SASH1: variants seen among roughly 807,000 people sequenced by gnomAD.
The protein encoded by SASH1 is SAM and SH3 domain-containing protein 1.
SASH1 carries 44 observed loss-of-function variants against 125.2 expected under a neutral mutation model. The observed-to-expected ratio is 0.35, with a 90% CI of 0.28 to 0.45. The LOEUF is 0.45. SASH1 is among the 20% of genes least tolerant of loss of function. SASH1 has a pLI of 1.00. For missense variants in SASH1, 1,426 were observed against 1,614.5 expected (o/e 0.88, Z 2.00); for synonymous variants, 639 against 649.1 (o/e 0.98, Z 0.24).
chr6:148,202,195 C>T, the SASH1 span, among the ~76,000 whole-genome samples: 3 of 151,972 alleles, frequency 2.0e-5, no homozygotes, highest in East Asian at 3.9e-4. Context: ...GTGAATTGTT[C>T]GCTTGTAGGT....
chr6:148,431,267 C>T (rs145501041), intron 2 of SASH1, among the ~76,000 whole-genome samples: 28,398 of 151,754 alleles, frequency 0.19, 3,004 homozygotes, highest in East Asian at 0.28. Context: ...GGCACGATCT[C>T]GGCTCACTGC....
At chr6:148,283,928 A>AT (rs11374340) in intron 1 of SASH1, among the ~76,000 whole-genome samples, 40,324 of 149,908 alleles carry the variant, frequency 0.27, 5,803 homozygotes, top group African/African-American at 0.39. Flanking sequence ...TATCTATGTA[A>AT]TTTTTTTTTT....
intron 4 of SASH1, among the ~76,000 whole-genome samples, chr6:148,446,300 G>A (rs886695875): frequency 6.6e-6 from 1 of 151,746 alleles, no homozygotes; most frequent in South Asian, 2.1e-4. Context: ...AGTAGAGACG[G>A]GGTTTCACCG....
At chr6:148,269,786 A>G (rs1182544744), upstream of SASH1, among the ~76,000 whole-genome samples, 1 of 152,210 alleles carries the variant, frequency 6.6e-6, no homozygotes, top group East Asian at 1.9e-4. Context: ...CCTCAACAGT[A>G]GTATTATACA....
At chr6:148,268,792 T>C (rs1490497724), upstream of SASH1, among the ~76,000 whole-genome samples, 3 of 152,248 alleles carry the variant, frequency 2.0e-5, no homozygotes, top group African/African-American at 2.4e-5. Flanking sequence ...ATTTCTAAGC[T>C]TTTTAAGAAG....
intron 1 of SASH1, among the ~76,000 whole-genome samples, chr6:148,322,991 TTCTCTC>T (rs1185804560): frequency 1.6e-5 from 2 of 126,598 alleles, no homozygotes; most frequent in Non-Finnish European, 3.4e-5. Flanking sequence ...CCCTTTCTCT[TTCTCTC>T]TCTCTCTCTT....
At chr6:148,205,316 C>A in the SASH1 span, among the ~76,000 whole-genome samples, 1 of 152,160 alleles carries the variant, frequency 6.6e-6, no homozygotes, top group Non-Finnish European at 1.5e-5. Flanking sequence ...CTCGGGTCAG[C>A]CTTAACTGGG....
chr6:148,394,479 T>C (rs1465041381), intron 2 of SASH1, among the ~76,000 whole-genome samples: 1 of 152,262 alleles, frequency 6.6e-6, no homozygotes, highest in Non-Finnish European at 1.5e-5. Context: ...TGTTCCCTTT[T>C]ATTGCATCAG....
chr6:148,291,484 C>G (rs1389749719), intron 1 of SASH1, among the ~76,000 whole-genome samples: 2 of 152,020 alleles, frequency 1.3e-5, no homozygotes, highest in Non-Finnish European at 2.9e-5. Flanking sequence ...AGTTCAAGAC[C>G]AGCCTGGCCA....
intron 2 of SASH1, among the ~76,000 whole-genome samples, chr6:148,424,274 C>G (rs1274907934): frequency 1.3e-5 from 2 of 151,072 alleles, no homozygotes; most frequent in African/African-American, 2.4e-5. Context: ...GGGTCTCGCT[C>G]TGTCACCCAG....
chr6:148,400,319 GCTGAGGCAGGGCC>G (rs1784122264), intron 2 of SASH1, among the ~76,000 whole-genome samples: 1 of 152,228 alleles, frequency 6.6e-6, no homozygotes, highest in Admixed American at 6.5e-5. Flanking sequence ...CTGGTAGTCA[GCTGAGGCAGGGCC>G]CTGAGCCTAT....
chr6:148,198,035 A>G, the SASH1 span, among the ~76,000 whole-genome samples: 1 of 152,120 alleles, frequency 6.6e-6, no homozygotes, highest in African/African-American at 2.4e-5. Flanking sequence ...TTTTTAGTAG[A>G]AACAGGGCTT....
At chr6:148,300,017 C>A (rs1779897316) in intron 1 of SASH1, among the ~76,000 whole-genome samples, 1 of 152,156 alleles carries the variant, frequency 6.6e-6, no homozygotes, top group Admixed American at 6.5e-5. Flanking sequence ...CAACACACTG[C>A]AGCTCCCATT....
intron 1 of SASH1, among the ~76,000 whole-genome samples, chr6:148,334,153 GC>G (rs139397114): frequency 1 from 141,877 of 141,888 alleles, 70,933 homozygotes; most frequent in South Asian, 1. Flanking sequence ...GCCGGGCGCG[GC>G]TGGCTCACGC....
chr6:148,430,168 G>A (rs1251510713), intron 2 of SASH1, among the ~76,000 whole-genome samples: 1 of 152,196 alleles, frequency 6.6e-6, no homozygotes, highest in African/African-American at 2.4e-5. Context: ...ACTCTAGGTA[G>A]CATAAGCAGA....
chr6:148,273,321 T>C (rs1279931939), intron 1 of SASH1, among the ~76,000 whole-genome samples: 6 of 141,972 alleles, frequency 4.2e-5, no homozygotes, highest in Non-Finnish European at 9.1e-5. Flanking sequence ...TGAGACAGAG[T>C]CTCCCTCTGT....
At position 148,310,422 on chromosome 6, in the gene SASH1, G is replaced by A. The variant is rs997414684; in HGVS notation, n.74+38045G>A. Among the ~76,000 whole-genome samples, 42 of 60,958 alleles carry A rather than the reference G, an allele frequency of 6.9e-4. No homozygotes were observed. In the Admixed American group the frequency reaches 7.7e-3, roughly 11 times the overall value. 40.0% of individuals were successfully genotyped at this position (60,958 alleles called of 152,430 possible). A position where few individuals can be genotyped will look rare whatever the true frequency, so the allele number is the denominator to read the frequency against. ...TGCTGGAACAATAGGACATCCATAT[G>A]TGAAAAAAAAAAAAAAAAATAGATT... On this transcript the variant is annotated intron_variant and non_coding_transcript_variant, in intron 1 of 3. Coordinates refer to the SASH1 transcript ENST00000367469.
At chr6:148,229,771 G>A in the SASH1 span, among the ~76,000 whole-genome samples, 3,289 of 146,004 alleles carry the variant, frequency 0.023, 131 homozygotes, top group African/African-American at 0.079. Flanking sequence ...GCCTAGGCTG[G>A]AATGCAATGG....
chr6:148,397,576 A>T (rs1784011925), intron 2 of SASH1, among the ~76,000 whole-genome samples: 1 of 152,074 alleles, frequency 6.6e-6, no homozygotes, highest in South Asian at 2.1e-4. Flanking sequence ...TACCCACGTC[A>T]CCCGCAGCCC....
Sources: allele counts gnomAD v4.1 joint callset (sites outside exome capture counted in the v4.1 genomes callset), GRCh38; gene constraint gnomAD v4.1.1; transcripts MANE v1.5; gene names NCBI Gene and HGNC (gene_info 2026-07-23, HGNC 2026-07-21).